C11orf54: variants seen among roughly 807,000 people sequenced by gnomAD.
C11orf54 encodes beta-keto-L-gulonate decarboxylase.
Under a neutral mutation model 35.5 loss-of-function variants are expected in C11orf54, and 29 were observed. The observed-to-expected ratio is 0.82, with a 90% CI of 0.61 to 1.11. C11orf54 has a LOEUF of 1.11. Ranked by LOEUF, C11orf54 falls within the 50% of genes most tolerant of loss-of-function variation. The pLI is 0.00. For synonymous variants in C11orf54, 108 were observed against 121.1 expected (o/e 0.89, Z 0.71); for missense variants, 373 against 369.2 (o/e 1.01, Z -0.08).
Position 93,755,984 on chromosome 11 carries a change from T to C in C11orf54, c.507+598T>C, listed in dbSNP as rs538232210. On this transcript the variant is annotated intron_variant, in intron 6 of 8. Coordinates refer to ENST00000354421, the MANE Select transcript of C11orf54 (RefSeq NM_001286069.2). ...GCATTTGAGACCAGTCTGGCCAACA[T>C]AGCGAAACCTCGTCTCTACTAAAAA... Among the ~76,000 whole-genome samples the C allele has an allele frequency of 1.6e-4, 25 of 151,866 alleles. No homozygotes were observed. The South Asian group carries it at 4.6e-3, about 28-fold the overall frequency.
intron 1 of C11orf54, among the ~76,000 whole-genome samples, chr11:93,744,809 G>A (rs72974699): frequency 6.6e-6 from 1 of 152,296 alleles, no homozygotes; most frequent in Non-Finnish European, 1.5e-5. Flanking sequence ...CCCAGAGGAC[G>A]GGCACACTCA....
chr11:93,753,123 T>C (rs1314764530), intron 3 of C11orf54, among the ~76,000 whole-genome samples: 1 of 151,990 alleles, frequency 6.6e-6, no homozygotes, highest in Admixed American at 6.6e-5. Flanking sequence ...GCTGGGATTA[T>C]AGGCTCCCGC....
chr11:93,757,512 G>C, intron 7 of C11orf54, 47 bp downstream of exon 7: 1 of 1,541,792 alleles, frequency 6.5e-7, no homozygotes, highest in Admixed American at 2.0e-5. Context: ...TTGTGTGTGT[G>C]CACTTACTTA....
Position 93,747,412 on chromosome 11 carries a change from T to C in C11orf54, c.19T>C (p.Ser7Pro). MACAEF[S>P]FHVPSLEELA... ...AAAGAAAATGGCTTGTGCTGAGTTT[T>C]CTTTTCATGTACCAAGTCTTGAAGA... Residue 7 changes from serine (S) to proline (P), a missense_variant, in exon 2 of 9, where the codon TCT (serine) becomes CCT (proline). Ser to Pro is a moderately conservative substitution (Grantham distance 74). Transcript: ENST00000354421. 1.2e-6 allele frequency: 2 copies of C among 1,601,812 alleles called. No homozygotes were observed. The highest frequency in any genetic ancestry group is 1.7e-6 in the Non-Finnish European group (2 of 1,175,372).
At chr11:93,744,491 A>C (rs1416793250) in intron 1 of C11orf54, among the ~76,000 whole-genome samples, 2 of 152,274 alleles carry the variant, frequency 1.3e-5, no homozygotes, top group Non-Finnish European at 2.9e-5. Context: ...TATACTATTC[A>C]TTGTGCAGAT....
In C11orf54 at chr11:93,761,786, C is replaced by G; in HGVS notation, c.*98C>G. ...TATAAAACCAATAGAAATGATCCCACAGGCCAGGCACAATGGCTCATGCCT... is the reference window on the plus strand; with the variant it reads ...TATAAAACCAATAGAAATGATCCCAGAGGCCAGGCACAATGGCTCATGCCT... On this transcript the variant is annotated 3_prime_UTR_variant, in exon 9 of 9. Transcript: ENST00000354421. The G allele has an allele frequency of 8.3e-7, 1 of 1,208,612 alleles. No homozygotes were observed. The highest frequency in any genetic ancestry group is 1.8e-5 in the South Asian group (1 of 57,014). 74.9% of individuals were successfully genotyped at this position (1,208,612 alleles called of 1,614,324 possible).
intron 7 of C11orf54, 54 bp from the exon 8 acceptor site, chr11:93,759,688 T>G: frequency 1.1e-6 from 1 of 890,710 alleles, no homozygotes; most frequent in Non-Finnish European, 1.6e-6. Flanking sequence ...TTTAAAATTT[T>G]TAATTCTTAG....
At chr11:93,757,233 G>C in intron 6 of C11orf54, 83 bp from the exon 7 acceptor site, 2 of 1,418,656 alleles carry the variant, frequency 1.4e-6, no homozygotes, top group Non-Finnish European at 1.9e-6. Flanking sequence ...ATATTTGCTT[G>C]ATAGAATTAA....
chr11:93,760,831 G>C (rs1445799305), intron 8 of C11orf54, among the ~76,000 whole-genome samples: 1 of 151,756 alleles, frequency 6.6e-6, no homozygotes, highest in Non-Finnish European at 1.5e-5. Context: ...GCTAATTTTT[G>C]TATTTTCAGT....
At chr11:93,752,980 T>G (rs1006545403) in intron 3 of C11orf54, among the ~76,000 whole-genome samples, 32 of 152,068 alleles carry the variant, frequency 2.1e-4, no homozygotes, top group African/African-American at 7.7e-4. Context: ...TCTCCTGACC[T>G]CGTGATGTTT....
intron 7 of C11orf54, among the ~76,000 whole-genome samples, chr11:93,758,857 C>A (rs1335883844): frequency 1.3e-5 from 2 of 152,236 alleles, no homozygotes; most frequent in Non-Finnish European, 2.9e-5. Flanking sequence ...CGGTGAGGCC[C>A]CACTTTCGGG....
chr11:93,752,204 G>A (rs1400293649), intron 3 of C11orf54, among the ~76,000 whole-genome samples: 2 of 151,992 alleles, frequency 1.3e-5, no homozygotes, highest in Non-Finnish European at 2.9e-5. Flanking sequence ...GTGTTTTCTG[G>A]TCAGTAATTT....
Position 93,755,262 on chromosome 11 carries a change from G to T in C11orf54, c.383G>T (p.Ser128Ile), listed in dbSNP as rs1487876947. The T allele has an allele frequency of 6.2e-7, 1 of 1,614,120 alleles. No individual in the cohort carries two copies. Among genetic ancestry groups the T allele is most frequent in the South Asian group, 1.1e-5 (1 of 91,080 alleles). ...ESEHKPPVNG[S>I]YFAHVNPADG... ...GAACACAAGCCTCCTGTAAATGGAA[G>T]TTACTTTGCCCATGTGAACCCTGCA... Residue 128 changes from serine (S) to isoleucine (I), a missense_variant, in exon 6 of 9, where the codon AGT becomes ATT. By Grantham distance (142) the Ser-to-Ile change is moderately radical (BLOSUM62 -2). Coordinates refer to ENST00000354421, the MANE Select transcript of C11orf54 (RefSeq NM_001286069.2).
At chr11:93,744,474 AAATG>A (rs1942334747) in intron 1 of C11orf54, among the ~76,000 whole-genome samples, 1 of 152,254 alleles carries the variant, frequency 6.6e-6, no homozygotes, top group Non-Finnish European at 1.5e-5. Flanking sequence ...TTATCATTAT[AAATG>A]AATATACTAT....
chr11:93,746,116 A>G (rs1370207448), intron 1 of C11orf54: 3 of 152,238 alleles, frequency 2.0e-5, no homozygotes, highest in Admixed American at 6.5e-5. Flanking sequence ...TTGCAATAGA[A>G]TGATTATAGA....
At chr11:93,756,501 A>C (rs1943165832) in intron 6 of C11orf54, among the ~76,000 whole-genome samples, 1 of 151,880 alleles carries the variant, frequency 6.6e-6, no homozygotes, top group Non-Finnish European at 1.5e-5. Context: ...AAAAAAAAAA[A>C]AAAAGACTAC....
intron 6 of C11orf54, among the ~76,000 whole-genome samples, chr11:93,755,892 G>A (rs527696756): frequency 1.3e-5 from 2 of 151,942 alleles, no homozygotes; most frequent in East Asian, 1.9e-4. Context: ...GAGGCCAGAC[G>A]CGGTGGCTCA....
chr11:93,752,324 C>A (rs1219178149), intron 3 of C11orf54, among the ~76,000 whole-genome samples: 3 of 151,944 alleles, frequency 2.0e-5, no homozygotes, highest in Non-Finnish European at 4.4e-5. Flanking sequence ...ATGGTGAAAC[C>A]CAATCTCTAC....
chr11:93,750,424 C>G lies in C11orf54; in HGVS notation c.134C>G (p.Pro45Arg). The stretch of plus-strand genomic sequence containing the variant: ...GATTGCCCTGATTTGACTAAGGAAC[C>G]CTTTACCTTTCCTGTAAAAGGTAAG... The part of the protein sequence containing the change: ...VVDCPDLTKE[P>R]FTFPVKGICG... The change falls in exon 3 of 9, where the codon CCC becomes CGC. Residue 45 changes from proline to arginine, a missense_variant. Physicochemically the swap from Pro to Arg is moderately radical, Grantham distance 103 (BLOSUM62 -2). Transcript: ENST00000354421. The G allele has an allele frequency of 5.6e-6, 9 of 1,613,280 alleles. No individual in the cohort carries two copies. The highest frequency in any genetic ancestry group is 7.6e-6 in the Non-Finnish European group (9 of 1,179,608).
Sources: allele counts gnomAD v4.1 joint callset (sites outside exome capture counted in the v4.1 genomes callset), GRCh38; gene constraint gnomAD v4.1.1; transcripts MANE v1.5; gene names NCBI Gene and HGNC (gene_info 2026-07-23, HGNC 2026-07-21).